Variants in JPH3 observed in about 807,000 individuals in gnomAD.
The protein encoded by JPH3 is junctophilin 3.
JPH3 carries 11 observed loss-of-function variants against 59.6 expected under a neutral mutation model. The ratio of observed to expected loss-of-function variants is 0.18; its 90% CI spans 0.12 to 0.31. JPH3 has a LOEUF of 0.31. Ranked by LOEUF, JPH3 falls within the 10% of genes least tolerant of loss-of-function variation. The pLI is 1.00. For synonymous variants in JPH3, 673 were observed against 483.6 expected, an observed-to-expected ratio of 1.39 and a Z score of -5.14; for missense variants, 1,202 against 1,105.7, an observed-to-expected ratio of 1.09 and a Z score of -1.24.
chr16:87,695,640 C>T (rs1355905121), intron 4 of JPH3: 1 of 456,048 alleles, frequency 2.2e-6, no homozygotes, highest in South Asian at 1.5e-5. Flanking sequence ...CAGGAGGCGT[C>T]CATTCCCTGT....
At chr16:87,696,047 G>A (rs1459079003) in intron 4 of JPH3, 23 of 456,148 alleles carry the variant, frequency 5.0e-5, no homozygotes, top group Non-Finnish European at 8.8e-5. Flanking sequence ...GGGGTTTGTT[G>A]AGGAAGGTGT....
chr16:87,607,227 G>A (rs140276100), intron 1 of JPH3, among the ~76,000 whole-genome samples: 8 of 152,314 alleles, frequency 5.3e-5, no homozygotes, highest in Admixed American at 1.3e-4. Flanking sequence ...GTGCTGCACC[G>A]CACAGGTATA....
chr16:87,639,146 T>G (rs1468908265), intron 1 of JPH3, among the ~76,000 whole-genome samples: 1 of 152,170 alleles, frequency 6.6e-6, no homozygotes, highest in African/African-American at 2.4e-5. Flanking sequence ...ATAGTTACCA[T>G]CAATCGAGCA....
In JPH3 at chr16:87,602,562, C is replaced by T. The variant is rs1323883205; in HGVS notation, c.-585C>T. Among the ~76,000 whole-genome samples, 1 of 140,734 alleles carries T rather than the reference C, an allele frequency of 7.1e-6. No individual in the cohort carries two copies. The highest frequency in any genetic ancestry group is 1.6e-5 in the Non-Finnish European group (1 of 63,700). 92.3% of individuals were successfully genotyped at this position (140,734 alleles called of 152,430 possible). On this transcript the variant is annotated 5_prime_UTR_variant, in exon 1 of 5. Coordinates refer to ENST00000284262, the MANE Select transcript of JPH3 (RefSeq NM_020655.4). ...CCGCCGCCGCCACCGCCGCCGCCGCCGCCCGAGCCGCCGCATTGCTGCTGC... is the reference window on the plus strand; with the variant it reads ...CCGCCGCCGCCACCGCCGCCGCCGCTGCCCGAGCCGCCGCATTGCTGCTGC...
At chr16:87,675,294 C>G (rs1042882571) in intron 2 of JPH3, among the ~76,000 whole-genome samples, 1 of 151,942 alleles carries the variant, frequency 6.6e-6, no homozygotes. Flanking sequence ...CAGGCCTCAG[C>G]CACGCCTGCT....
intron 3 of JPH3, among the ~76,000 whole-genome samples, chr16:87,689,161 C>T (rs1328674829): frequency 6.6e-6 from 1 of 152,162 alleles, no homozygotes; most frequent in Non-Finnish European, 1.5e-5. Flanking sequence ...CCGGCACTGG[C>T]TGTTTCTCAG....
At chr16:87,624,532 G>C (rs945626020) in intron 1 of JPH3, among the ~76,000 whole-genome samples, 6 of 152,250 alleles carry the variant, frequency 3.9e-5, no homozygotes, top group African/African-American at 1.4e-4. Context: ...GGGGCACCGC[G>C]TTTTGTGTGA....
intron 2 of JPH3, among the ~76,000 whole-genome samples, chr16:87,658,136 A>ATG (rs2032569410): frequency 3.3e-5 from 5 of 152,076 alleles, no homozygotes; most frequent in Non-Finnish European, 5.9e-5. Flanking sequence ...TAATGGGCCC[A>ATG]ACACCAACCT....
chr16:87,690,396 C>T lies in JPH3; in HGVS notation c.2036C>T (p.Ala679Val), dbSNP rs372717273. The T allele has an allele frequency of 2.0e-6, 3 of 1,515,364 alleles. No homozygotes were observed. Among genetic ancestry groups the T allele is most frequent in the Middle Eastern group, 1.7e-4 (1 of 5,728 alleles). 93.9% of individuals were successfully genotyped at this position (1,515,364 alleles called of 1,614,324 possible). The change falls in exon 4 of 5, where the codon GCG (alanine) becomes GTG (valine). Residue 679 changes from alanine to valine, a missense_variant. Physicochemically the swap from Ala to Val is moderately conservative, Grantham distance 64. Transcript: ENST00000284262. ...GCGGAGCCCGCCGTGCAGAAACTGGCGAGCCTGCGGCTGGGCGGGGCCGAG... is the reference window on the plus strand; with the variant it reads ...GCGGAGCCCGCCGTGCAGAAACTGGTGAGCCTGCGGCTGGGCGGGGCCGAG... ...SSAEPAVQKLASLRLGGAEPR... is the reference protein window; with the variant it reads ...SSAEPAVQKLVSLRLGGAEPR...
At chr16:87,639,204 G>A (rs182933358) in intron 1 of JPH3, among the ~76,000 whole-genome samples, 2 of 152,280 alleles carry the variant, frequency 1.3e-5, no homozygotes, top group East Asian at 3.9e-4. Flanking sequence ...GATCTGCACA[G>A]CCGCCCTCCC....
intron 2 of JPH3, among the ~76,000 whole-genome samples, chr16:87,651,718 G>T (rs974775695): frequency 6.6e-4 from 101 of 152,364 alleles, no homozygotes; most frequent in African/African-American, 2.4e-3. Context: ...TGCTGCTTAG[G>T]GGTGAAACGA....
intron 4 of JPH3, chr16:87,696,292 C>T (rs2033849709): frequency 1.9e-6 from 1 of 515,974 alleles, no homozygotes; most frequent in African/African-American, 1.9e-5. Context: ...CCAAGGGGAC[C>T]CTGGGAGAGC....
At chr16:87,669,467 T>C (rs1353574559) in intron 2 of JPH3, among the ~76,000 whole-genome samples, 1 of 152,240 alleles carries the variant, frequency 6.6e-6, no homozygotes, top group Non-Finnish European at 1.5e-5. Context: ...TCTGGCCACT[T>C]GTCTGTCACC....
intron 1 of JPH3, among the ~76,000 whole-genome samples, chr16:87,616,951 T>A (rs1377249447): frequency 1.3e-5 from 2 of 152,192 alleles, no homozygotes; most frequent in Non-Finnish European, 2.9e-5. Context: ...CAGGCTGGGC[T>A]CCGTGGCTCA....
intron 2 of JPH3, among the ~76,000 whole-genome samples, chr16:87,678,890 G>T (rs553693312): frequency 1.3e-5 from 2 of 152,248 alleles, no homozygotes. Flanking sequence ...GCTGGAGAGA[G>T]GATGGATGGG....
chr16:87,664,402 A>G (rs969866181), intron 2 of JPH3, among the ~76,000 whole-genome samples: 46 of 150,490 alleles, frequency 3.1e-4, no homozygotes, highest in Non-Finnish European at 6.2e-4. Context: ...AGGTGGGTGG[A>G]TCACTTGAGG....
At chr16:87,605,660 C>T (rs1169557311) in intron 1 of JPH3, among the ~76,000 whole-genome samples, 3 of 152,234 alleles carry the variant, frequency 2.0e-5, no homozygotes, top group African/African-American at 4.8e-5. Context: ...CAGCATCCTG[C>T]TCCCCTAAGC....
intron 2 of JPH3, 173 bp from the exon 3 acceptor site, chr16:87,683,969 T>C (rs1004132288): frequency 2.1e-5 from 13 of 606,684 alleles, no homozygotes; most frequent in South Asian, 5.9e-5. Context: ...GTGATGTTTA[T>C]TGAATGAATG....
intron 1 of JPH3, chr16:87,604,026 TG>T: frequency 1.1e-6 from 1 of 935,228 alleles, no homozygotes; most frequent in Non-Finnish European, 1.3e-6. Context: ...AAGGGAGTGA[TG>T]GGGAGCGCTA....
Sources: gnomAD v4.1 joint callset for allele counts (sites outside exome capture counted in the v4.1 genomes callset) on GRCh38, gnomAD v4.1.1 for gene constraint, MANE v1.5 for transcripts, NCBI Gene and HGNC (gene_info 2026-07-23, HGNC 2026-07-21) for gene names.